GALNT17: variants seen among roughly 807,000 people sequenced by gnomAD.
GALNT17 encodes the protein polypeptide N-acetylgalactosaminyltransferase 17.
In GALNT17, 29 loss-of-function variants were observed where a neutral mutation model predicts 63.7. The ratio of observed to expected loss-of-function variants is 0.46; its 90% CI spans 0.34 to 0.62. The LOEUF (loss-of-function observed/expected upper bound fraction) is 0.62. GALNT17 is among the 20% of genes least tolerant of loss of function. GALNT17 has a pLI of 0.01. For synonymous variants in GALNT17, 305 were observed against 318.3 expected, an observed-to-expected ratio of 0.96 and a Z score of 0.45; for missense variants, 603 against 799.6, an observed-to-expected ratio of 0.75 and a Z score of 2.97.
intron 5 of GALNT17, among the ~76,000 whole-genome samples, chr7:71,506,275 T>C (rs1788267891): frequency 1.3e-5 from 2 of 151,674 alleles, no homozygotes; most frequent in South Asian, 4.2e-4. Context: ...TTATTTTATT[T>C]ATTTATTTTG....
At chr7:71,672,831 G>A (rs1389036919) in intron 8 of GALNT17, among the ~76,000 whole-genome samples, 4 of 152,134 alleles carry the variant, frequency 2.6e-5, no homozygotes, top group African/African-American at 7.2e-5. Flanking sequence ...GGTTACAGGC[G>A]TGATTTTAAA....
intron 1 of GALNT17, among the ~76,000 whole-genome samples, chr7:71,323,870 G>C (rs573855617): frequency 5.9e-5 from 9 of 152,330 alleles, no homozygotes; most frequent in African/African-American, 1.9e-4. Context: ...GTTCACAAGA[G>C]ACCAGTGCTC....
rs189554867 is a variant in GALNT17, at chr7:71,452,981, A to G, written c.962+31876A>G. Among the ~76,000 whole-genome samples, 4 of 152,150 alleles carry G rather than the reference A, an allele frequency of 2.6e-5. No individual in the cohort carries two copies. The East Asian group carries it at 5.8e-4, about 22-fold the overall frequency. The stretch of plus-strand genomic sequence containing the variant: ...TGGCCTTAGATTCTGTGTTGCTCTT[A>G]TTATTCTGACTTCTGCCATCCATCA... On this transcript the variant is annotated intron_variant, in intron 5 of 10. Coordinates refer to ENST00000333538, the MANE Select transcript of GALNT17 (RefSeq NM_022479.3).
chr7:71,537,158 A>G (rs1788814821), intron 5 of GALNT17, among the ~76,000 whole-genome samples: 1 of 152,144 alleles, frequency 6.6e-6, no homozygotes, highest in Admixed American at 6.5e-5. Context: ...CGGCTTCAGG[A>G]GCATTGTTTC....
intron 6 of GALNT17, among the ~76,000 whole-genome samples, chr7:71,627,625 C>T (rs1055553013): frequency 3.9e-5 from 6 of 152,140 alleles, no homozygotes; most frequent in East Asian, 1.9e-4. Context: ...AAGACCTGTC[C>T]GGTAGACAAT....
intron 1 of GALNT17, among the ~76,000 whole-genome samples, chr7:71,315,457 C>G (rs1791483515): frequency 6.6e-6 from 1 of 152,170 alleles, no homozygotes; most frequent in Admixed American, 6.5e-5. Flanking sequence ...AGACTGTTTT[C>G]TGAAACAGCT....
chr7:71,203,384 G>A (rs1433811990), intron 1 of GALNT17, among the ~76,000 whole-genome samples: 1 of 152,154 alleles, frequency 6.6e-6, no homozygotes, highest in East Asian at 1.9e-4. Flanking sequence ...GCATTTCCCT[G>A]ATGATTAATG....
chr7:71,356,039 G>A (rs925838207), intron 2 of GALNT17, among the ~76,000 whole-genome samples: 9 of 151,402 alleles, frequency 5.9e-5, no homozygotes, highest in African/African-American at 1.5e-4. Context: ...GTGCAGTGGC[G>A]CGATCTCGGC....
At chr7:71,573,161 A>G (rs951787382) in intron 6 of GALNT17, among the ~76,000 whole-genome samples, 2 of 151,730 alleles carry the variant, frequency 1.3e-5, no homozygotes, top group African/African-American at 2.4e-5. Context: ...GGCACGTGCC[A>G]CTGCACCTGG....
At chr7:71,397,837 G>A (rs139455770) in intron 3 of GALNT17, among the ~76,000 whole-genome samples, 1 of 152,326 alleles carries the variant, frequency 6.6e-6, no homozygotes, top group Non-Finnish European at 1.5e-5. Context: ...GTTCACTCAT[G>A]CCTCTAAAGA....
At chr7:71,321,444 G>A (rs1791603375) in intron 1 of GALNT17, among the ~76,000 whole-genome samples, 2 of 152,208 alleles carry the variant, frequency 1.3e-5, no homozygotes, top group South Asian at 2.1e-4. Context: ...GGTGCTGAGA[G>A]TGAGGTTCGG....
intron 5 of GALNT17, among the ~76,000 whole-genome samples, chr7:71,456,251 A>G (rs1247778484): frequency 6.6e-6 from 1 of 152,178 alleles, no homozygotes; most frequent in Non-Finnish European, 1.5e-5. Context: ...ATCTCAAAAA[A>G]AAAAGATTAA....
chr7:71,548,823 GA>G (rs1789028843), intron 5 of GALNT17, among the ~76,000 whole-genome samples: 1 of 152,162 alleles, frequency 6.6e-6, no homozygotes, highest in Non-Finnish European at 1.5e-5. Flanking sequence ...TTTCATTAAG[GA>G]AAAAGGCAGC....
At chr7:71,242,710 G>A (rs1368623410) in intron 1 of GALNT17, among the ~76,000 whole-genome samples, 1 of 152,204 alleles carries the variant, frequency 6.6e-6, no homozygotes, top group Middle Eastern at 3.2e-3. Context: ...GGATAGTGGG[G>A]AGGAACTTAC....
At chr7:71,468,958 A>G (rs1304884468) in intron 5 of GALNT17, among the ~76,000 whole-genome samples, 6 of 152,140 alleles carry the variant, frequency 3.9e-5, no homozygotes, top group Non-Finnish European at 7.3e-5. Context: ...GAGCTCAGAG[A>G]TTGGTGGGGG....
intron 5 of GALNT17, among the ~76,000 whole-genome samples, chr7:71,491,866 G>A (rs370448325): frequency 2.0e-5 from 3 of 152,148 alleles, no homozygotes; most frequent in Non-Finnish European, 2.9e-5. Flanking sequence ...TTCTGGAAGC[G>A]TGAACTTGGG....
intron 1 of GALNT17, among the ~76,000 whole-genome samples, chr7:71,223,032 C>T (rs1024494984): frequency 5.3e-5 from 8 of 152,118 alleles, no homozygotes; most frequent in Admixed American, 5.2e-4. Context: ...TTGGTCACAC[C>T]ACTGCACTCC....
intron 5 of GALNT17, among the ~76,000 whole-genome samples, chr7:71,476,329 T>A (rs1787722072): frequency 6.6e-6 from 1 of 152,214 alleles, no homozygotes; most frequent in African/African-American, 2.4e-5. Flanking sequence ...GCTGGATATC[T>A]TGAGCTGCTG....
At chr7:71,222,449 G>A (rs775677997) in intron 1 of GALNT17, among the ~76,000 whole-genome samples, 27 of 151,712 alleles carry the variant, frequency 1.8e-4, no homozygotes, top group Non-Finnish European at 3.1e-4. Flanking sequence ...TCCGCACCAC[G>A]CCAGGCTAAT....
Sources: gnomAD v4.1 joint callset for allele counts (sites outside exome capture counted in the v4.1 genomes callset) on GRCh38, gnomAD v4.1.1 for gene constraint, MANE v1.5 for transcripts, NCBI Gene and HGNC (gene_info 2026-07-23, HGNC 2026-07-21) for gene names.